Variants in HAUS1 observed in about 807,000 individuals in gnomAD.
The protein encoded by HAUS1 is HAUS augmin-like complex subunit 1.
Under a neutral mutation model 38.6 loss-of-function variants are expected in HAUS1, and 25 were observed. That is an observed-to-expected ratio of 0.65 (90% confidence interval 0.47 to 0.91). HAUS1 has a LOEUF of 0.91. HAUS1 is among the 40% of genes least tolerant of loss of function. HAUS1 has a pLI of 0.00. For missense variants in HAUS1, 325 were observed against 328.4 expected (o/e 0.99, Z 0.08); for synonymous variants, 109 against 112.9 (o/e 0.97, Z 0.22).
Position 46,121,440 on chromosome 18 carries a change from T to C in HAUS1, c.477-1027T>C, listed in dbSNP as rs572718849. ...CTTCATGTCACATTTAGTACAGAGG[T>C]ATTTAGGACCTCCTATTTCAAATTG... On this transcript the variant is annotated intron_variant, in intron 4 of 8. Coordinates refer to ENST00000282058, the MANE Select transcript of HAUS1 (RefSeq NM_138443.4). Among the ~76,000 whole-genome samples the C allele has an allele frequency of 5.7e-3, 873 of 152,154 alleles. 18 individuals carry two copies. The highest frequency in any genetic ancestry group is 0.033 in the Admixed American group (498 of 15,252).
At chr18:46,104,932 TA>T (rs1301770740) in intron 1 of HAUS1, among the ~76,000 whole-genome samples, 1 of 152,182 alleles carries the variant, frequency 6.6e-6, no homozygotes, top group Non-Finnish European at 1.5e-5. Flanking sequence ...GGCAAATTGT[TA>T]GCCTGTACCG....
chr18:46,122,727 A>T, intron 5 of HAUS1, 137 bp downstream of exon 5: 1 of 886,824 alleles, frequency 1.1e-6, no homozygotes. Context: ...AAGATTACAT[A>T]GCTATTACAG....
chr18:46,106,081 G>T (rs1911468521), intron 2 of HAUS1, among the ~76,000 whole-genome samples: 1 of 152,166 alleles, frequency 6.6e-6, no homozygotes, highest in African/African-American at 2.4e-5. Context: ...CACCTGAGGT[G>T]GTGGCCATGA....
chr18:46,118,477 A>AAATT (rs754023619), intron 3 of HAUS1, 161 bp downstream of exon 3: 1 of 629,906 alleles, frequency 1.6e-6, no homozygotes, highest in Non-Finnish European at 2.7e-6. Context: ...TAATTTGGAT[A>AAATT]AATATGGTAT....
At chr18:46,117,029 G>A (rs566702370) in intron 2 of HAUS1, among the ~76,000 whole-genome samples, 1 of 152,086 alleles carries the variant, frequency 6.6e-6, no homozygotes, top group Non-Finnish European at 1.5e-5. Flanking sequence ...TAATCAAAAA[G>A]ACATATTGCA....
intron 2 of HAUS1, among the ~76,000 whole-genome samples, chr18:46,106,463 C>T (rs1335442291): frequency 2.7e-5 from 4 of 145,782 alleles, no homozygotes; most frequent in South Asian, 4.3e-4. Flanking sequence ...AGCAAGACTC[C>T]GTCTCAAAAA....
chr18:46,109,053 AGAG>A (rs1042738527), intron 2 of HAUS1, among the ~76,000 whole-genome samples: 1 of 149,152 alleles, frequency 6.7e-6, no homozygotes, highest in African/African-American at 2.5e-5. Flanking sequence ...CCTGGGAGAC[AGAG>A]CAAGACTCCG....
chr18:46,108,349 C>T (rs537345270), intron 2 of HAUS1, among the ~76,000 whole-genome samples: 5 of 150,098 alleles, frequency 3.3e-5, no homozygotes, highest in South Asian at 2.1e-4. Flanking sequence ...AGTGTTTCAC[C>T]GTGTTGCTCA....
At chr18:46,124,980 C>T in intron 7 of HAUS1, 87 bp downstream of exon 7, 1 of 764,242 alleles carries the variant, frequency 1.3e-6, no homozygotes, top group African/African-American at 1.7e-5. Flanking sequence ...TGTGTTTAGG[C>T]CAGGCACGGT....
In HAUS1 at chr18:46,120,027, C is replaced by T; in HGVS notation, c.443C>T (p.Thr148Ile). 1 of 1,604,830 alleles carries T rather than the reference C, an allele frequency of 6.2e-7. No homozygotes were observed. The highest frequency in any genetic ancestry group is 8.5e-7 in the Non-Finnish European group (1 of 1,173,992). Residue 148 changes from threonine to isoleucine, a missense_variant, in exon 4 of 9, where the codon ACT becomes ATT. By Grantham distance (89) the Thr-to-Ile change is moderately conservative. Coordinates refer to ENST00000282058, the MANE Select transcript of HAUS1 (RefSeq NM_138443.4). ...IELEKLEKNL[T>I]ATLVLEKCLQ... ...CTGGAAAAACTTGAAAAAAATTTAA[C>T]TGCAACTTTAGTATTAGAAAAATGT...
intron 2 of HAUS1, among the ~76,000 whole-genome samples, chr18:46,108,420 G>C (rs1278190684): frequency 6.6e-6 from 1 of 151,916 alleles, no homozygotes; most frequent in Non-Finnish European, 1.5e-5. Context: ...TTATAGGTGT[G>C]AGCAGCCACT....
intron 5 of HAUS1, among the ~76,000 whole-genome samples, chr18:46,122,974 G>A (rs369042263): frequency 1.9e-3 from 283 of 152,270 alleles, no homozygotes; most frequent in Middle Eastern, 6.8e-3. Flanking sequence ...CACTTTGGGA[G>A]GCCAAGGTGG....
intron 2 of HAUS1, among the ~76,000 whole-genome samples, chr18:46,114,134 C>T (rs1911744252): frequency 6.6e-6 from 1 of 152,186 alleles, no homozygotes; most frequent in African/African-American, 2.4e-5. Flanking sequence ...TTTGTTTTAT[C>T]TTCTGGATGG....
At chr18:46,107,287 G>A (rs1309107163) in intron 2 of HAUS1, among the ~76,000 whole-genome samples, 2 of 152,048 alleles carry the variant, frequency 1.3e-5, no homozygotes, top group African/African-American at 4.8e-5. Flanking sequence ...TGCAGAGAAA[G>A]GGACTTGGAG....
intron 1 of HAUS1, 71 bp from the exon 2 acceptor site, chr18:46,105,123 C>A (rs924431839): frequency 1.0e-5 from 12 of 1,169,268 alleles, no homozygotes; most frequent in East Asian, 2.5e-5. Flanking sequence ...TTGATCACTT[C>A]TTTGTCATAT....
Position 46,123,309 on chromosome 18 carries a change from C to T in HAUS1, c.611C>T (p.Ser204Leu), listed in dbSNP as rs1379576913. 1 of 1,610,210 alleles carries T rather than the reference C, an allele frequency of 6.2e-7. No homozygotes were observed. Among genetic ancestry groups the T allele is most frequent in the Non-Finnish European group, 8.5e-7 (1 of 1,177,376 alleles). ...FGIKAAEEQL[S>L]ARGMDASLSH... is the part of the protein sequence containing the mutation. ...TTTTGGTAATTGTAGGAGCAACTTT[C>T]AGCCAGAGGCATGGATGCTTCTCTG... is the stretch of plus-strand genomic sequence containing the variant. Residue 204 changes from serine to leucine, a missense_variant, in exon 6 of 9, where the codon TCA becomes TTA. Transcript: ENST00000282058.
intron 2 of HAUS1, among the ~76,000 whole-genome samples, chr18:46,109,042 G>T (rs569729436): frequency 8.9e-5 from 13 of 146,320 alleles, no homozygotes; most frequent in Non-Finnish European, 1.9e-4. Context: ...CTGCACTCTA[G>T]CCTGGGAGAC....
chr18:46,108,644 T>G (rs1911537163), intron 2 of HAUS1, among the ~76,000 whole-genome samples: 1 of 152,196 alleles, frequency 6.6e-6, no homozygotes, highest in Admixed American at 6.5e-5. Flanking sequence ...ACATTTTCAT[T>G]CATATCAAAG....
intron 5 of HAUS1, 72 bp downstream of exon 5, chr18:46,122,662 A>C (rs556332134): frequency 1.3e-6 from 2 of 1,541,626 alleles, no homozygotes; most frequent in Non-Finnish European, 1.8e-6. Flanking sequence ...ACAGCTAGGC[A>C]TTATTATTCC....
Sources: allele counts gnomAD v4.1 joint callset (sites outside exome capture counted in the v4.1 genomes callset), GRCh38; gene constraint gnomAD v4.1.1; transcripts MANE v1.5; gene names NCBI Gene and HGNC (gene_info 2026-07-23, HGNC 2026-07-21).